The following TRPM7 variants were observed in gnomAD, a reference collection of about 807,000 sequenced individuals.
TRPM7 encodes the protein LTRPC ion channel family member 7.
Under a neutral mutation model 229.7 loss-of-function variants are expected in TRPM7, and 134 were observed. The observed-to-expected ratio is 0.58, with a 90% CI of 0.51 to 0.67. The LOEUF is 0.67. Ranked by LOEUF, TRPM7 falls within the 30% of genes least tolerant of loss-of-function variation. TRPM7 has a pLI of 0.00. For missense variants in TRPM7, 1,901 were observed against 2,210.0 expected (o/e 0.86, Z 2.80); for synonymous variants, 699 against 715.2 (o/e 0.98, Z 0.36).
chr15:50,571,638 T>C (rs759164502), intron 36 of TRPM7, among the ~76,000 whole-genome samples: 6 of 150,956 alleles, frequency 4.0e-5, no homozygotes, highest in Non-Finnish European at 8.9e-5. Flanking sequence ...AACAAAATAA[T>C]AAAAAAGAGG....
At chr15:50,610,099 A>G (rs2060027596) in intron 17 of TRPM7, 138 bp from the exon 18 acceptor site, 12 of 612,100 alleles carry the variant, frequency 2.0e-5, no homozygotes, top group East Asian at 1.4e-4. Flanking sequence ...CAGTAGAGGG[A>G]AAAAAAACAA....
intron 28 of TRPM7, 84 bp downstream of exon 28, chr15:50,586,308 C>T: frequency 2.2e-6 from 2 of 892,570 alleles, no homozygotes; most frequent in Non-Finnish European, 3.6e-6. Flanking sequence ...CCATTCACTG[C>T]TCATGTGTTT....
chr15:50,574,366 A>C lies in TRPM7; in HGVS notation c.5216T>G (p.Ile1739Ser). Residue 1739 changes from isoleucine to serine, a missense_variant, in exon 36 of 39, where the codon ATT (isoleucine) becomes AGT (serine). Coordinates refer to ENST00000646667, the MANE Select transcript of TRPM7 (RefSeq NM_017672.6). Reference sequence around the variant, plus strand: ...GATCTCTTCCAGAGTATTAGTTGGAATAATCTCATCTCCATTATTATTGTT... The same window carrying C: ...GATCTCTTCCAGAGTATTAGTTGGACTAATCTCATCTCCATTATTATTGTT... ...KYNNNNGDEI[I>S]PTNTLEEIML... 6.2e-7 allele frequency: 1 copy of C among 1,614,016 alleles called. No individual in the cohort carries two copies. Among genetic ancestry groups the C allele is most frequent in the Non-Finnish European group, 8.5e-7 (1 of 1,179,942 alleles).
chr15:50,561,883 G>C (rs2053329594), intron 38 of TRPM7, 75 bp from the exon 39 acceptor site: 1 of 1,358,436 alleles, frequency 7.4e-7, no homozygotes, highest in Admixed American at 2.8e-5. Context: ...CTTAGAAATG[G>C]AGAATTAGGA....
At chr15:50,613,260 T>G (rs1375076419) in intron 15 of TRPM7, among the ~76,000 whole-genome samples, 1 of 152,214 alleles carries the variant, frequency 6.6e-6, no homozygotes, top group East Asian at 1.9e-4. Flanking sequence ...TCCCAGCAGT[T>G]TGGGAGGCTG....
At chr15:50,565,617 A>C (rs1005767622) in intron 38 of TRPM7, among the ~76,000 whole-genome samples, 2 of 152,232 alleles carry the variant, frequency 1.3e-5, no homozygotes, top group Admixed American at 6.5e-5. Context: ...GACAGAACTG[A>C]AAAGCAAGAC....
chr15:50,645,697 T>A (rs1473206656), intron 4 of TRPM7, among the ~76,000 whole-genome samples: 1 of 152,194 alleles, frequency 6.6e-6, no homozygotes, highest in Non-Finnish European at 1.5e-5. Flanking sequence ...TTTGGGCACA[T>A]AAAGTAGTAT....
At position 50,599,267 on chromosome 15, in the gene TRPM7, A is replaced by G. The variant is rs370499022; in HGVS notation, c.3018T>C (p.Ile1006=). ...CAAAACTAAGTAATACAAGAGCCAT[A>G]ATCACTACAATGTAGAACATATTGG... The part of the protein sequence containing the change: ...MVANMFYIVV[I]MALVLLSFGV... The change falls in exon 22 of 39, where the codon ATT becomes ATC. Residue 1006 remains isoleucine (I), a synonymous_variant. Transcript: ENST00000646667. 8 of 1,612,892 alleles carry G rather than the reference A, an allele frequency of 5.0e-6. No individual in the cohort carries two copies. The highest frequency in any genetic ancestry group is 5.9e-6 in the Non-Finnish European group (7 of 1,179,386).
At chr15:50,594,233 C>T (rs1396671959) in intron 24 of TRPM7, among the ~76,000 whole-genome samples, 196 bp downstream of exon 24, 2 of 152,112 alleles carry the variant, frequency 1.3e-5, no homozygotes, top group Non-Finnish European at 2.9e-5. Context: ...ATTCTCATAA[C>T]GAAGTTTAAT....
rs767218689 is a variant in TRPM7, at chr15:50,634,581, A to G, written c.833-25T>C. ...CCTAAAAAGAGCAAAGTTAAATTAA[A>G]AAATTATTTCATCCCAAGCAAGTTT... On this transcript the variant is annotated intron_variant, in intron 7 of 38. Transcript: ENST00000646667. The G allele has an allele frequency of 2.9e-6, 4 of 1,356,106 alleles. No homozygotes were observed. The South Asian group carries it at 6.7e-5, about 23-fold the overall frequency. The allele number at this position is 1,356,106 out of a possible 1,614,324, so 84.0% of individuals were successfully genotyped here. A position where few individuals can be genotyped will look rare whatever the true frequency, so the allele number is the denominator to read the frequency against.
intron 1 of TRPM7, among the ~76,000 whole-genome samples, chr15:50,683,533 G>C (rs891623056): frequency 6.6e-6 from 1 of 151,880 alleles, no homozygotes; most frequent in Non-Finnish European, 1.5e-5. Context: ...TCAGGAGTTT[G>C]AGACCAGCCT....
At chr15:50,628,312 CT>C (rs374839323) in intron 10 of TRPM7, 63 bp from the exon 11 acceptor site, 141,138 of 881,774 alleles carry the variant, frequency 0.16, 10 homozygotes, top group South Asian at 0.22. Context: ...AAGGTGAACA[CT>C]TTTTTTTTTT....
At chr15:50,597,606 A>G (rs1196736145) in intron 22 of TRPM7, among the ~76,000 whole-genome samples, 1 of 152,208 alleles carries the variant, frequency 6.6e-6, no homozygotes, top group Non-Finnish European at 1.5e-5. Context: ...AATTAGAGTC[A>G]TATCATTAGA....
At chr15:50,641,845 C>T (rs2061110300) in intron 5 of TRPM7, among the ~76,000 whole-genome samples, 1 of 151,940 alleles carries the variant, frequency 6.6e-6, no homozygotes, top group African/African-American at 2.4e-5. Flanking sequence ...AGTAAAAATA[C>T]AAAACTTAGC....
At position 50,566,512 on chromosome 15, in the gene TRPM7, A is replaced by G. The variant is rs547049641; in HGVS notation, c.5467+3375T>C. On this transcript the variant is annotated intron_variant, in intron 38 of 38. Coordinates refer to ENST00000646667, the MANE Select transcript of TRPM7 (RefSeq NM_017672.6). ...AGAGATCAAGACAATCCTGGCCAAC[A>G]TGGTGAAACCCTGACTCTACTAAAA... is the stretch of plus-strand genomic sequence containing the variant. Among the ~76,000 whole-genome samples the G allele has an allele frequency of 3.3e-5, 5 of 152,202 alleles. No individual in the cohort carries two copies. The South Asian group carries it at 6.2e-4, about 19-fold the overall frequency.
At chr15:50,588,259 G>A (rs571661861) in intron 27 of TRPM7, 1 of 984,024 alleles carries the variant, frequency 1.0e-6, no homozygotes, top group African/African-American at 1.8e-5. Context: ...TCCTATTTGA[G>A]GTAAGAAAAT....
chr15:50,614,701 G>C (rs2060170345), intron 13 of TRPM7, among the ~76,000 whole-genome samples: 1 of 148,888 alleles, frequency 6.7e-6, no homozygotes, highest in Non-Finnish European at 1.5e-5. Context: ...GCAGCAGCAA[G>C]GGTTGCCAGC....
intron 17 of TRPM7, 68 bp downstream of exon 17, chr15:50,611,025 T>C: frequency 1.6e-6 from 2 of 1,288,566 alleles, no homozygotes; most frequent in South Asian, 1.3e-5. Flanking sequence ...TTACTACACA[T>C]TTAGACTAAT....
chr15:50,640,906 A>C (rs911983003), intron 5 of TRPM7, among the ~76,000 whole-genome samples: 1 of 152,092 alleles, frequency 6.6e-6, no homozygotes, highest in African/African-American at 2.4e-5. Context: ...AGATAAACCA[A>C]ATCTGCTGAC....
Sources: allele counts gnomAD v4.1 joint callset (sites outside exome capture counted in the v4.1 genomes callset), GRCh38; gene constraint gnomAD v4.1.1; transcripts MANE v1.5; gene names NCBI Gene and HGNC (gene_info 2026-07-23, HGNC 2026-07-21).